Variants in GRM5 observed in about 807,000 individuals in gnomAD.
GRM5 encodes the protein metabotropic glutamate receptor 5.
GRM5 carries 19 observed loss-of-function variants against 83.1 expected under a neutral mutation model. The observed-to-expected ratio is 0.23, with a 90% CI of 0.16 to 0.34. The LOEUF (loss-of-function observed/expected upper bound fraction) is 0.34. GRM5 is among the 10% of genes least tolerant of loss of function. The pLI is 1.00. For missense variants in GRM5, 1,160 were observed against 1,588.3 expected, an observed-to-expected ratio of 0.73 and a Z score of 4.58; for synonymous variants, 675 against 633.6, an observed-to-expected ratio of 1.07 and a Z score of -0.98.
At chr11:88,942,193 G>A (rs1938138417) in intron 2 of GRM5, among the ~76,000 whole-genome samples, 1 of 151,922 alleles carries the variant, frequency 6.6e-6, no homozygotes, top group African/African-American at 2.4e-5. Context: ...CTCAGGCTGT[G>A]TCAGAAAATT....
chr11:88,782,364 A>C (rs1942990177), intron 3 of GRM5, among the ~76,000 whole-genome samples: 2 of 152,110 alleles, frequency 1.3e-5, no homozygotes, highest in African/African-American at 4.8e-5. Flanking sequence ...CACATCTTAC[A>C]TGGGTGACAG....
intron 2 of GRM5, among the ~76,000 whole-genome samples, chr11:88,856,106 C>G (rs1565263440): frequency 6.6e-6 from 1 of 152,140 alleles, no homozygotes; most frequent in East Asian, 1.9e-4. Flanking sequence ...TCCAAATTAT[C>G]TTTTCCTCAC....
At chr11:88,661,716 C>CTATTT (rs901539602) in intron 3 of GRM5, among the ~76,000 whole-genome samples, 8 of 151,958 alleles carry the variant, frequency 5.3e-5, no homozygotes, top group East Asian at 1.9e-4. Context: ...TATTGAGACT[C>CTATTT]TATTTTATTT....
intron 2 of GRM5, among the ~76,000 whole-genome samples, chr11:88,852,832 T>G (rs1944409603): frequency 6.6e-6 from 1 of 152,176 alleles, no homozygotes; most frequent in Middle Eastern, 3.4e-3. Context: ...AAGACTGAAG[T>G]GTTGAGACTT....
chr11:88,682,709 A>C (rs575579137), intron 3 of GRM5, among the ~76,000 whole-genome samples: 1 of 152,102 alleles, frequency 6.6e-6, no homozygotes, highest in African/African-American at 2.4e-5. Flanking sequence ...ATTTCTGTTA[A>C]TGCAGTTCTC....
intron 3 of GRM5, among the ~76,000 whole-genome samples, chr11:88,759,096 C>T (rs559268809): frequency 3.3e-5 from 5 of 152,174 alleles, no homozygotes; most frequent in East Asian, 3.9e-4. Context: ...AAATATAGAA[C>T]GGAAACATCA....
chr11:88,987,544 A>T (rs934715954), intron 2 of GRM5, among the ~76,000 whole-genome samples: 6 of 152,028 alleles, frequency 3.9e-5, no homozygotes, highest in South Asian at 2.1e-4. Flanking sequence ...TGTAGGCTCC[A>T]CCTCTGGGGG....
At chr11:88,863,799 A>T (rs1365662361) in intron 2 of GRM5, among the ~76,000 whole-genome samples, 1 of 152,000 alleles carries the variant, frequency 6.6e-6, no homozygotes, top group African/African-American at 2.4e-5. Context: ...TAAAAATTTA[A>T]CATTTCTCTT....
chr11:88,678,418 G>T (rs1940391920), intron 3 of GRM5, among the ~76,000 whole-genome samples: 2 of 151,960 alleles, frequency 1.3e-5, no homozygotes, highest in African/African-American at 4.8e-5. Flanking sequence ...TCCATTATCT[G>T]GACCACACCA....
At position 88,900,739 on chromosome 11, in the gene GRM5, AT is replaced by A. The variant is rs1210285567; in HGVS notation, c.662-50585del. On this transcript the variant is annotated intron_variant, in intron 2 of 9. Transcript: ENST00000305447. ...GCTAGGACTTAGTTTCTATTTTTAA[AT>A]TATAAAAAGGGCCACCAAATGGATA... 3.3e-5 allele frequency among the ~76,000 whole-genome samples: 5 copies of A among 152,276 alleles called. No individual in the cohort carries two copies. The East Asian group carries it at 9.7e-4, about 29-fold the overall frequency.
chr11:88,595,156 A>G (rs1050138648), intron 6 of GRM5, among the ~76,000 whole-genome samples: 3 of 152,138 alleles, frequency 2.0e-5, no homozygotes, highest in African/African-American at 4.8e-5. Context: ...GTACATATTT[A>G]TGGGTTACAT....
intron 3 of GRM5, among the ~76,000 whole-genome samples, chr11:88,791,788 T>G (rs1163057324): frequency 6.6e-6 from 1 of 152,186 alleles, no homozygotes; most frequent in African/African-American, 2.4e-5. Flanking sequence ...AAATCAATTC[T>G]AAATCATGTT....
chr11:88,509,804 T>G (rs1201384864), intron 9 of GRM5, among the ~76,000 whole-genome samples: 1 of 152,234 alleles, frequency 6.6e-6, no homozygotes, highest in Non-Finnish European at 1.5e-5. Flanking sequence ...GCGGGAGTTC[T>G]GAGCCCACCT....
intron 2 of GRM5, among the ~76,000 whole-genome samples, chr11:88,863,267 C>T (rs1425269701): frequency 6.6e-6 from 1 of 151,794 alleles, no homozygotes; most frequent in South Asian, 2.1e-4. Flanking sequence ...TGAGTATATA[C>T]CCAAAGGAAT....
intron 8 of GRM5, among the ~76,000 whole-genome samples, chr11:88,538,717 C>G (rs182241640): frequency 6.4e-4 from 97 of 152,304 alleles, no homozygotes; most frequent in African/African-American, 2.2e-3. Flanking sequence ...GTTCCAGACA[C>G]AATTCTAAGT....
intron 3 of GRM5, among the ~76,000 whole-genome samples, chr11:88,812,929 C>A (rs1393739147): frequency 6.6e-6 from 1 of 152,066 alleles, no homozygotes; most frequent in Non-Finnish European, 1.5e-5. Flanking sequence ...TCTGTCTATG[C>A]TTGTTTCATT....
chr11:88,931,668 T>C (rs1937710255), intron 2 of GRM5, among the ~76,000 whole-genome samples: 1 of 152,090 alleles, frequency 6.6e-6, no homozygotes, highest in South Asian at 2.1e-4. Flanking sequence ...ATTGTTGTTG[T>C]TTTTCCTTTG....
Position 89,018,297 on chromosome 11 carries a change from C to T in GRM5, c.661+28915G>A, listed in dbSNP as rs1276547745. On this transcript the variant is annotated intron_variant, in intron 2 of 9. Transcript: ENST00000305447. The stretch of plus-strand genomic sequence containing the variant: ...TCCAACCCCCAGAATAGAGCCTTGC[C>T]CCTCAGAAACAAGCCACTTGTCAGT... Among the ~76,000 whole-genome samples, 6 of 152,134 alleles carry T rather than the reference C, an allele frequency of 3.9e-5. No homozygotes were observed. In the East Asian group the frequency reaches 5.8e-4, roughly 15 times the overall value.
intron 2 of GRM5, among the ~76,000 whole-genome samples, chr11:88,995,743 T>C (rs1022118467): frequency 1.3e-5 from 2 of 152,028 alleles, no homozygotes; most frequent in African/African-American, 4.8e-5. Flanking sequence ...TCATTTCTAA[T>C]GATATGATTG....
Sources: allele counts gnomAD v4.1 joint callset (sites outside exome capture counted in the v4.1 genomes callset), GRCh38; gene constraint gnomAD v4.1.1; transcripts MANE v1.5; gene names NCBI Gene and HGNC (gene_info 2026-07-23, HGNC 2026-07-21).